Variants in HDAC9 observed in about 807,000 individuals in gnomAD.
HDAC9 encodes MEF-2 interacting transcription repressor (MITR) protein.
HDAC9 carries 41 observed loss-of-function variants against 139.4 expected under a neutral mutation model. The observed-to-expected ratio is 0.29, with a 90% CI of 0.23 to 0.38. The LOEUF (loss-of-function observed/expected upper bound fraction) is 0.38, where lower values mean the gene tolerates loss of function less well. Ranked by LOEUF, HDAC9 falls within the 10% of genes least tolerant of loss-of-function variation. HDAC9 has a pLI of 1.00. For missense variants in HDAC9, 1,147 were observed against 1,297.0 expected (o/e 0.88, Z 1.78); for synonymous variants, 517 against 476.2 (o/e 1.09, Z -1.12).
chr7:18,527,965 T>TATACACTGTAGTTAAAAAATCTACTGTAG (rs1346640958), intron 2 of HDAC9, among the ~76,000 whole-genome samples: 1 of 152,044 alleles, frequency 6.6e-6, no homozygotes, highest in African/African-American at 2.4e-5. Flanking sequence ...TGTAGTTATT[T>TATACACTGTAGTTAAAAAATCTACTGTAG]TTAAAAAATA....
intron 17 of HDAC9, among the ~76,000 whole-genome samples, chr7:18,795,557 T>C (rs1205695965): frequency 6.6e-6 from 1 of 152,218 alleles, no homozygotes; most frequent in Non-Finnish European, 1.5e-5. Context: ...ACATTCCAGA[T>C]TGTGCAGCTG....
intron 1 of HDAC9, among the ~76,000 whole-genome samples, chr7:18,128,394 C>G (rs1250335864): frequency 6.6e-6 from 1 of 152,038 alleles, no homozygotes. Context: ...TGGCTCCTTT[C>G]ATCTCTCTGA....
At chr7:18,457,970 C>A (rs2128107423) in intron 1 of HDAC9, among the ~76,000 whole-genome samples, 1 of 152,220 alleles carries the variant, frequency 6.6e-6, no homozygotes, top group South Asian at 2.1e-4. Flanking sequence ...TTCGTGTGTT[C>A]TTTCTCACTA....
chr7:18,990,780 C>T (rs752839664), intron 25 of HDAC9, among the ~76,000 whole-genome samples: 14 of 152,228 alleles, frequency 9.2e-5, no homozygotes, highest in Admixed American at 1.3e-4. Flanking sequence ...GTAGGAAAAG[C>T]GCAGTATTTG....
Position 18,732,894 on chromosome 7 carries a change from C to CACACACGTGTGCGTATGTGTAT in HDAC9, c.1909+5143_1909+5144insGTGTGCGTATGTGTATACACAC, listed in dbSNP as rs1562893378. On this transcript the variant is annotated intron_variant, in intron 13 of 25. Coordinates refer to ENST00000686413, the MANE Select transcript of HDAC9 (RefSeq NM_178425.4). The stretch of plus-strand genomic sequence containing the variant: ...ACACACACACGTGTGCGTATGTGTA[C>CACACACGTGTGCGTATGTGTAT]ACACACACGTGTGCGTATGTGTATA... Among the ~76,000 whole-genome samples, 73 of 39,352 alleles carry CACACACGTGTGCGTATGTGTAT rather than the reference C, an allele frequency of 1.9e-3. 16 individuals carry two copies. The highest frequency in any genetic ancestry group is 2.5e-3 in the Non-Finnish European group (54 of 21,710). 25.8% of individuals were successfully genotyped at this position (39,352 alleles called of 152,430 possible).
intron 1 of HDAC9, among the ~76,000 whole-genome samples, chr7:18,448,076 C>CTCCAAA (rs1473438367): frequency 6.6e-6 from 1 of 152,148 alleles, no homozygotes; most frequent in Non-Finnish European, 1.5e-5. Context: ...CCAACTCCAA[C>CTCCAAA]TCCAAATCCA....
At chr7:18,232,446 GT>G (rs1280711512) in intron 2 of HDAC9, among the ~76,000 whole-genome samples, 1 of 152,118 alleles carries the variant, frequency 6.6e-6, no homozygotes, top group African/African-American at 2.4e-5. Context: ...TCTGTGTTCT[GT>G]CTTTTCTGTA....
chr7:18,271,571 T>C (rs1239581295), intron 2 of HDAC9, among the ~76,000 whole-genome samples: 1 of 152,230 alleles, frequency 6.6e-6, no homozygotes, highest in Non-Finnish European at 1.5e-5. Context: ...ATCTTAGAAA[T>C]GCTGCAGTCT....
chr7:18,787,425 C>G (rs530465979), intron 16 of HDAC9, among the ~76,000 whole-genome samples: 21 of 152,300 alleles, frequency 1.4e-4, no homozygotes, highest in African/African-American at 5.0e-4. Flanking sequence ...ATGCCTATTT[C>G]AAAACTGATA....
chr7:18,985,560 T>A (rs549149122), intron 25 of HDAC9, among the ~76,000 whole-genome samples: 9 of 151,404 alleles, frequency 5.9e-5, no homozygotes, highest in African/African-American at 1.9e-4. Context: ...AGCAGCATGA[T>A]TTATAGTCCT....
chr7:18,587,408 T>C, intron 3 of HDAC9, among the ~76,000 whole-genome samples: 1 of 152,202 alleles, frequency 6.6e-6, no homozygotes, highest in East Asian at 1.9e-4. Flanking sequence ...ATAATTAATA[T>C]TACTTTTTCA....
intron 1 of HDAC9, among the ~76,000 whole-genome samples, chr7:18,393,997 G>T (rs973682353): frequency 6.6e-6 from 1 of 152,166 alleles, no homozygotes; most frequent in African/African-American, 2.4e-5. Flanking sequence ...ATAGAAGGCA[G>T]TCTGTTAATT....
intron 2 of HDAC9, among the ~76,000 whole-genome samples, chr7:18,554,975 T>C (rs1301665813): frequency 6.6e-6 from 1 of 152,216 alleles, no homozygotes; most frequent in Non-Finnish European, 1.5e-5. Flanking sequence ...TTAAATTCTA[T>C]GTGTGAAGTG....
intron 2 of HDAC9, among the ~76,000 whole-genome samples, chr7:18,578,345 A>G (rs1826689958): frequency 6.6e-6 from 1 of 152,178 alleles, no homozygotes; most frequent in South Asian, 2.1e-4. Context: ...AGCTCTACTG[A>G]GCAGAGGCGA....
At chr7:18,726,199 G>T (rs535823072) in intron 12 of HDAC9, among the ~76,000 whole-genome samples, 2 of 152,062 alleles carry the variant, frequency 1.3e-5, no homozygotes, top group African/African-American at 4.8e-5. Context: ...CACATAATAC[G>T]CAATGAGTAC....
At chr7:18,553,763 T>A (rs757367675) in intron 2 of HDAC9, among the ~76,000 whole-genome samples, 1 of 152,202 alleles carries the variant, frequency 6.6e-6, no homozygotes, top group African/African-American at 2.4e-5. Flanking sequence ...TGCCACTGAT[T>A]TTATCTTACC....
chr7:18,547,494 C>G (rs1037309497), intron 2 of HDAC9, among the ~76,000 whole-genome samples: 3 of 152,210 alleles, frequency 2.0e-5, no homozygotes, highest in Non-Finnish European at 4.4e-5. Context: ...CTCGGCCTCC[C>G]AAAGTGCTGG....
At chr7:18,507,277 A>G (rs940028480) in intron 2 of HDAC9, among the ~76,000 whole-genome samples, 5 of 149,228 alleles carry the variant, frequency 3.4e-5, no homozygotes, top group Non-Finnish European at 7.4e-5. Flanking sequence ...TGCAAGCTCC[A>G]CCTCCCGGGT....
intron 1 of HDAC9, among the ~76,000 whole-genome samples, chr7:18,143,045 T>A (rs1314266110): frequency 6.6e-6 from 1 of 152,200 alleles, no homozygotes; most frequent in Non-Finnish European, 1.5e-5. Context: ...CACTTTTGAT[T>A]TATAGTAACC....
Sources: gnomAD v4.1 joint callset for allele counts (sites outside exome capture counted in the v4.1 genomes callset) on GRCh38, gnomAD v4.1.1 for gene constraint, MANE v1.5 for transcripts, NCBI Gene and HGNC (gene_info 2026-07-23, HGNC 2026-07-21) for gene names.